CFH: variants seen among roughly 807,000 people sequenced by gnomAD.
CFH encodes the protein H factor 1 (complement).
CFH carries 53 observed loss-of-function variants against 147.3 expected under a neutral mutation model. The observed-to-expected ratio is 0.36, with a 90% CI of 0.29 to 0.45. The LOEUF (loss-of-function observed/expected upper bound fraction) is 0.45, where lower values mean the gene tolerates loss of function less well. CFH is among the 20% of genes least tolerant of loss of function. The pLI, the probability that CFH is intolerant of heterozygous loss-of-function variation, is 1.00. For synonymous variants in CFH, 536 were observed against 489.4 expected (o/e 1.10, Z -1.26); for missense variants, 1,380 against 1,498.0 (o/e 0.92, Z 1.30).
At position 196,683,084 on chromosome 1, in the gene CFH, C is replaced by T. The variant is rs148811271; in HGVS notation, c.791-1980C>T. 3.0e-3 allele frequency among the ~76,000 whole-genome samples: 442 copies of T among 149,596 alleles called. 2 individuals carry two copies. The highest frequency in any genetic ancestry group is 0.021 in the East Asian group (106 of 5,088). The stretch of plus-strand genomic sequence containing the variant: ...TGAGATGTGACAAGTATGCAGGGCC[C>T]AAAAATTAAAAAATTAAGTAAAGTA... On this transcript the variant is annotated intron_variant, in intron 6 of 21. Coordinates refer to ENST00000367429, the MANE Select transcript of CFH (RefSeq NM_000186.4).
chr1:196,696,138 T>C (rs1031212217), intron 9 of CFH, among the ~76,000 whole-genome samples: 2 of 151,936 alleles, frequency 1.3e-5, no homozygotes, highest in African/African-American at 2.4e-5. Flanking sequence ...TCTACAGAAC[T>C]CTCCACCAGA....
At chr1:196,735,971 G>A (rs1311793038) in intron 15 of CFH, among the ~76,000 whole-genome samples, 2 of 151,934 alleles carry the variant, frequency 1.3e-5, no homozygotes, top group Admixed American at 6.6e-5. Context: ...GTGAAGTAGA[G>A]CATACACTAT....
At chr1:196,711,240 A>G (rs1668717250) in intron 9 of CFH, among the ~76,000 whole-genome samples, 2 of 152,026 alleles carry the variant, frequency 1.3e-5, no homozygotes, top group South Asian at 4.1e-4. Flanking sequence ...TTCTACTTTT[A>G]CTAATATCTA....
intron 1 of CFH, among the ~76,000 whole-genome samples, chr1:196,670,726 G>T (rs949870646): frequency 6.6e-6 from 1 of 152,064 alleles, no homozygotes; most frequent in Non-Finnish European, 1.5e-5. Context: ...AATACAATCT[G>T]CTTTTAAGAT....
rs186916601 is a variant in CFH, at chr1:196,725,341, T to G, written c.1873+44T>G. On this transcript the variant is annotated intron_variant, in intron 12 of 21. Coordinates refer to ENST00000367429, the MANE Select transcript of CFH (RefSeq NM_000186.4). ...ATTGCTGAAATAAGAATTAGAACTT[T>G]GAATACCAACTTTTTTCTTATTAAT... is the stretch of plus-strand genomic sequence containing the variant. 2.1e-3 allele frequency: 3,390 copies of G among 1,581,698 alleles called. 7 individuals carry two copies. The highest frequency in any genetic ancestry group is 2.3e-3 in the Non-Finnish European group (2,688 of 1,151,528).
At chr1:196,725,854 C>G (rs1669124587) in intron 12 of CFH, among the ~76,000 whole-genome samples, 2 of 152,140 alleles carry the variant, frequency 1.3e-5, no homozygotes, top group Admixed American at 6.6e-5. Context: ...TACCCATGAT[C>G]CAAACATCTC....
chr1:196,740,606 C>CT lies in CFH; in HGVS notation c.2783-3dup, dbSNP rs748791414. ...TGAGTTAGTGAAACCTGAATTCATT[C>CT]TTTTTTTTTTAGGCCTTCCTTGTAA... is the stretch of plus-strand genomic sequence containing the variant. On this transcript the variant is annotated splice_polypyrimidine_tract_variant and intron_variant, in intron 17 of 21. Coordinates refer to ENST00000367429, the MANE Select transcript of CFH (RefSeq NM_000186.4). 1.6e-3 allele frequency: 2,192 copies of CT among 1,358,588 alleles called. 2 individuals are homozygous for CT. The highest frequency in any genetic ancestry group is 5.9e-3 in the African/African-American group (401 of 68,282). The allele number at this position is 1,358,588 out of a possible 1,614,324, so 84.2% of individuals were successfully genotyped here.
chr1:196,703,699 T>G (rs1249176305), intron 9 of CFH, among the ~76,000 whole-genome samples: 1 of 151,932 alleles, frequency 6.6e-6, no homozygotes, highest in African/African-American at 2.4e-5. Context: ...AAAGCACAGT[T>G]TTTTGCTGGG....
At chr1:196,684,748 A>G (rs1310715202) in intron 6 of CFH, among the ~76,000 whole-genome samples, 1 of 152,036 alleles carries the variant, frequency 6.6e-6, no homozygotes, top group Non-Finnish European at 1.5e-5. Context: ...AAACCAAAGA[A>G]TAGAAGGAAA....
Position 196,713,782 on chromosome 1 carries a change from G to A in CFH, c.1384G>A (p.Glu462Lys). 2 of 1,603,750 alleles carry A rather than the reference G, an allele frequency of 1.2e-6. No homozygotes were observed. Among genetic ancestry groups the A allele is most frequent in the South Asian group, 2.2e-5 (2 of 90,790 alleles). ...AGATATTGAGAATGGGTTTATTTCT[G>A]AATCTCAGTATACATATGCCTTAAA... Reference protein sequence around the residue: ...SIDIENGFISESQYTYALKEK... With the variant: ...SIDIENGFISKSQYTYALKEK... Residue 462 changes from glutamate (E) to lysine (K), a missense_variant, in exon 10 of 22, where the codon GAA becomes AAA. Around this residue, in one of 4 missense-constraint regions of CFH, gnomAD observed 830 missense variants for 821.4 expected, o/e 1.01. Coordinates refer to ENST00000367429, the MANE Select transcript of CFH (RefSeq NM_000186.4).
chr1:196,687,651 C>A (rs1025296248), intron 7 of CFH, among the ~76,000 whole-genome samples: 1 of 151,970 alleles, frequency 6.6e-6, no homozygotes, highest in Non-Finnish European at 1.5e-5. Flanking sequence ...AAGACTCAAG[C>A]TTTCCCAATG....
intron 1 of CFH, among the ~76,000 whole-genome samples, chr1:196,666,431 A>G: frequency 6.6e-6 from 1 of 151,900 alleles, no homozygotes; most frequent in East Asian, 1.9e-4. Flanking sequence ...TATTTCCATT[A>G]TTGTTTATTT....
chr1:196,701,694 C>T (rs1468637636), intron 9 of CFH: 2 of 251,082 alleles, frequency 8.0e-6, no homozygotes, highest in African/African-American at 2.2e-5. Flanking sequence ...TGCCTAGTGC[C>T]CCCTTTCCAC....
At chr1:196,674,249 C>A (rs1426798251) in intron 3 of CFH, among the ~76,000 whole-genome samples, 2 of 152,206 alleles carry the variant, frequency 1.3e-5, no homozygotes, top group African/African-American at 4.8e-5. Context: ...GTCTTCACGA[C>A]ATTCTATTTT....
intron 7 of CFH, among the ~76,000 whole-genome samples, chr1:196,686,815 G>A (rs969335170): frequency 5.3e-5 from 8 of 152,044 alleles, no homozygotes; most frequent in African/African-American, 1.9e-4. Context: ...TGAACCATCT[G>A]GAGTTCTCAT....
rs1667503171 is a variant in CFH at position 196,677,612 on chromosome 1, A to G, written c.564A>G (p.Glu188=). 2.5e-6 allele frequency: 4 copies of G among 1,613,202 alleles called. No homozygotes were observed. Among genetic ancestry groups the G allele is most frequent in the African/African-American group, 1.3e-5 (1 of 74,878 alleles). ...CAGGCTACAAGATTGAAGGAGATGA[A>G]GAAATGCATTGTTCAGACGATGGTT... ...CNSGYKIEGD[E]EMHCSDDGFW... Residue 188 remains glutamate (E), a synonymous_variant, in exon 5 of 22, where the codon GAA becomes GAG. Coordinates refer to ENST00000367429, the MANE Select transcript of CFH (RefSeq NM_000186.4).
At chr1:196,684,858 A>G (rs1426658999) in intron 6 of CFH, among the ~76,000 whole-genome samples, 2 of 152,054 alleles carry the variant, frequency 1.3e-5, no homozygotes, top group Admixed American at 1.3e-4. Flanking sequence ...TTAAGAGCCC[A>G]GGAGGTACAA....
intron 1 of CFH, among the ~76,000 whole-genome samples, chr1:196,654,886 G>C (rs1558147347): frequency 6.6e-6 from 1 of 152,074 alleles, no homozygotes. Flanking sequence ...GAATTTCAGT[G>C]TGATAAATAA....
chr1:196,654,686 A>C (rs756593839), intron 1 of CFH, among the ~76,000 whole-genome samples: 1 of 152,192 alleles, frequency 6.6e-6, no homozygotes, highest in Non-Finnish European at 1.5e-5. Context: ...TGAATAAATT[A>C]AAACTCTACT....
Sources: allele counts gnomAD v4.1 joint callset (sites outside exome capture counted in the v4.1 genomes callset), GRCh38; gene constraint gnomAD v4.1.1; regional missense constraint gnomAD v4.1.1; transcripts MANE v1.5; gene names NCBI Gene and HGNC (gene_info 2026-07-23, HGNC 2026-07-21).